The following DCDC2 variants were observed in gnomAD, a reference collection of about 807,000 sequenced individuals.
DCDC2 encodes the protein doublecortin domain-containing protein 2.
Under a neutral mutation model 50.2 loss-of-function variants are expected in DCDC2, and 40 were observed. That is an observed-to-expected ratio of 0.80 (90% CI 0.62 to 1.04). The LOEUF (loss-of-function observed/expected upper bound fraction) is 1.04, where lower values mean the gene tolerates loss of function less well. Among genes scored for constraint, DCDC2 ranks in the 50% least tolerant of loss-of-function variants. The probability of loss-of-function intolerance (pLI) is 0.00; values close to 1 mark genes in which losing one functional copy is unlikely to be tolerated. For missense variants in DCDC2, 570 were observed against 581.9 expected (o/e 0.98, Z 0.21); for synonymous variants, 234 against 210.6 (o/e 1.11, Z -0.96).
chr6:24,350,434 C>A (rs926191154), intron 2 of DCDC2, among the ~76,000 whole-genome samples: 1 of 152,176 alleles, frequency 6.6e-6, no homozygotes, highest in Non-Finnish European at 1.5e-5. Flanking sequence ...ATGCAAAGGT[C>A]TTTCCGTATA....
chr6:24,379,068 G>A, the DCDC2 span, among the ~76,000 whole-genome samples: 1 of 150,904 alleles, frequency 6.6e-6, no homozygotes, highest in Admixed American at 6.6e-5. Context: ...AAGACTTAAA[G>A]GTAAGATCTA....
At chr6:24,178,844 C>G (rs1760986087) in intron 8 of DCDC2, among the ~76,000 whole-genome samples, 2 of 152,146 alleles carry the variant, frequency 1.3e-5, no homozygotes, top group South Asian at 4.1e-4. Context: ...TCACAACAAT[C>G]CTTTGAAATT....
intron 2 of DCDC2, among the ~76,000 whole-genome samples, chr6:24,335,164 A>C (rs1760034262): frequency 1.3e-5 from 2 of 152,182 alleles, no homozygotes; most frequent in Non-Finnish European, 2.9e-5. Context: ...ATTGAAGGGA[A>C]GACCTGGTAC....
chr6:24,306,888 A>G (rs1759485437), intron 2 of DCDC2, among the ~76,000 whole-genome samples: 1 of 152,252 alleles, frequency 6.6e-6, no homozygotes, highest in African/African-American at 2.4e-5. Flanking sequence ...AGCTGGATGA[A>G]TCTGTTTGCT....
chr6:24,183,103 CAG>C (rs1203175962), intron 8 of DCDC2, among the ~76,000 whole-genome samples: 1 of 151,794 alleles, frequency 6.6e-6, no homozygotes, highest in Non-Finnish European at 1.5e-5. Flanking sequence ...AATCATAGAG[CAG>C]AGAGTAGAAT....
rs1761741838 is a variant in DCDC2, at chr6:24,207,301, A to C, written c.923-2199T>G. ...CTCTCTCTCTCTCAGACACACACAC[A>C]CACACAGACACATGCACTCGTAAAA... On this transcript the variant is annotated intron_variant, in intron 7 of 9. Coordinates refer to ENST00000378454, the MANE Select transcript of DCDC2 (RefSeq NM_016356.5). 2.1e-5 allele frequency among the ~76,000 whole-genome samples: 3 copies of C among 141,774 alleles called. No homozygotes were observed. The South Asian group carries it at 7.0e-4, about 33-fold the overall frequency. 93.0% of individuals were successfully genotyped at this position (141,774 alleles called of 152,430 possible).
intron 7 of DCDC2, among the ~76,000 whole-genome samples, chr6:24,216,141 T>C (rs1761970680): frequency 1.3e-5 from 2 of 152,084 alleles, no homozygotes; most frequent in Non-Finnish European, 2.9e-5. Flanking sequence ...GTCTGTTAAT[T>C]AGAATAAAGT....
chr6:24,234,114 G>A (rs376408480), intron 7 of DCDC2, among the ~76,000 whole-genome samples: 1 of 152,058 alleles, frequency 6.6e-6, no homozygotes, highest in South Asian at 2.1e-4. Flanking sequence ...TATAGAAGAA[G>A]GTTCAAGGAA....
intron 7 of DCDC2, among the ~76,000 whole-genome samples, chr6:24,235,307 G>A (rs763423474): frequency 6.6e-6 from 1 of 152,200 alleles, no homozygotes; most frequent in Non-Finnish European, 1.5e-5. Context: ...CTCCCTGCAA[G>A]CAGGAAAGAT....
At chr6:24,275,749 T>C (rs552577080) in intron 7 of DCDC2, among the ~76,000 whole-genome samples, 40 of 152,184 alleles carry the variant, frequency 2.6e-4, no homozygotes, top group Non-Finnish European at 5.4e-4. Context: ...TACCTTTTCT[T>C]TTCAAAATAC....
chr6:24,373,490 A>C, the DCDC2 span, among the ~76,000 whole-genome samples: 9 of 152,382 alleles, frequency 5.9e-5, no homozygotes, highest in African/African-American at 1.9e-4. Context: ...AAGAGTTCAC[A>C]TACTATAATC....
chr6:24,230,226 G>A (rs889836156), intron 7 of DCDC2, among the ~76,000 whole-genome samples: 2 of 152,118 alleles, frequency 1.3e-5, no homozygotes, highest in African/African-American at 2.4e-5. Flanking sequence ...ACTTACATTT[G>A]GGAAGGAGGC....
intron 8 of DCDC2, among the ~76,000 whole-genome samples, chr6:24,200,183 A>G (rs369670627): frequency 5.1e-4 from 77 of 152,336 alleles, no homozygotes; most frequent in African/African-American, 1.8e-3. Flanking sequence ...ATCCTCAAAA[A>G]GAGTAACCCC....
intron 7 of DCDC2, among the ~76,000 whole-genome samples, chr6:24,251,898 A>C (rs1216706903): frequency 6.6e-6 from 1 of 152,190 alleles, no homozygotes; most frequent in Non-Finnish European, 1.5e-5. Context: ...CATTCACCAC[A>C]TCAAATCCCT....
intron 8 of DCDC2, among the ~76,000 whole-genome samples, chr6:24,188,986 G>GTTTT (rs1480945706): frequency 6.6e-6 from 1 of 151,854 alleles, no homozygotes; most frequent in Non-Finnish European, 1.5e-5. Context: ...AAACAGAGAG[G>GTTTT]TTTTTATAAG....
intron 2 of DCDC2, among the ~76,000 whole-genome samples, chr6:24,345,530 A>G (rs1760238550): frequency 6.6e-6 from 1 of 152,166 alleles, no homozygotes; most frequent in African/African-American, 2.4e-5. Flanking sequence ...AACAAGGTTG[A>G]TCCACGTTCT....
At chr6:24,357,247 C>A in intron 1 of DCDC2, 1 of 505,534 alleles carries the variant, frequency 2.0e-6, no homozygotes, top group Non-Finnish European at 3.4e-6. Context: ...AAGTTTACTC[C>A]TACTGCTGAC....
chr6:24,224,150 G>A (rs143569379), intron 7 of DCDC2, among the ~76,000 whole-genome samples: 56 of 152,226 alleles, frequency 3.7e-4, no homozygotes, highest in African/African-American at 1.3e-3. Flanking sequence ...AGAGTTCACC[G>A]GGAATGGGCT....
chr6:24,332,903 A>T (rs545756233), intron 2 of DCDC2, among the ~76,000 whole-genome samples: 2 of 152,182 alleles, frequency 1.3e-5, no homozygotes, highest in Non-Finnish European at 2.9e-5. Context: ...TGGAGTTTAC[A>T]ATCTAGGAGG....
Sources: allele counts gnomAD v4.1 joint callset (sites outside exome capture counted in the v4.1 genomes callset), GRCh38; gene constraint gnomAD v4.1.1; transcripts MANE v1.5; gene names NCBI Gene and HGNC (gene_info 2026-07-23, HGNC 2026-07-21).